The following PEAK1 variants were observed in gnomAD, a reference collection of about 807,000 sequenced individuals.
PEAK1 encodes the protein inactive tyrosine-protein kinase PEAK1.
A neutral mutation model predicts 124.7 loss-of-function variants in PEAK1; 54 were observed. That is an observed-to-expected ratio of 0.43 (90% CI 0.35 to 0.54). PEAK1 has a LOEUF of 0.54. PEAK1 is among the 20% of genes least tolerant of loss of function. The probability of loss-of-function intolerance (pLI) is 0.01; values close to 1 mark genes in which losing one functional copy is unlikely to be tolerated. For missense variants in PEAK1, 2,046 were observed against 2,134.5 expected (o/e 0.96, Z 0.82); for synonymous variants, 719 against 760.0 (o/e 0.95, Z 0.89).
intron 6 of PEAK1, among the ~76,000 whole-genome samples, chr15:77,237,836 G>A: frequency 6.6e-6 from 1 of 152,058 alleles, no homozygotes. Flanking sequence ...AATTGAATGA[G>A]TTTTTGCTTT....
chr15:77,359,266 C>T (rs1292520739), intron 2 of PEAK1, among the ~76,000 whole-genome samples: 2 of 151,890 alleles, frequency 1.3e-5, no homozygotes, highest in African/African-American at 2.4e-5. Flanking sequence ...GGCGAAACCC[C>T]ATCTCTTCAA....
chr15:77,192,514 A>G (rs552206267), intron 6 of PEAK1, among the ~76,000 whole-genome samples: 164 of 152,352 alleles, frequency 1.1e-3, no homozygotes, highest in African/African-American at 3.7e-3. Flanking sequence ...CTATCCCCCA[A>G]TAAAAATATG....
chr15:77,199,335 A>T (rs2058253433), intron 6 of PEAK1, among the ~76,000 whole-genome samples: 1 of 152,192 alleles, frequency 6.6e-6, no homozygotes, highest in Admixed American at 6.5e-5. Flanking sequence ...TAGATATCGA[A>T]GTGGTCTACT....
chr15:77,117,369 CTACTT>C (rs1289543050), intron 9 of PEAK1, among the ~76,000 whole-genome samples: 2 of 152,210 alleles, frequency 1.3e-5, no homozygotes, highest in Non-Finnish European at 2.9e-5. Context: ...ACACTGAAAT[CTACTT>C]CACAGGGCAG....
At chr15:77,368,642 C>T (rs564971326) in intron 1 of PEAK1, among the ~76,000 whole-genome samples, 51 of 152,106 alleles carry the variant, frequency 3.4e-4, no homozygotes, top group African/African-American at 1.0e-3. Flanking sequence ...GGAGACAAAG[C>T]ATTAAGCAAA....
intron 7 of PEAK1, among the ~76,000 whole-genome samples, chr15:77,162,115 A>C (rs1455222994): frequency 6.6e-6 from 1 of 152,152 alleles, no homozygotes; most frequent in Non-Finnish European, 1.5e-5. Context: ...ACTAAATATA[A>C]ACAACATAAA....
intron 1 of PEAK1, among the ~76,000 whole-genome samples, chr15:77,413,772 A>C (rs540584473): frequency 1.3e-5 from 2 of 150,874 alleles, no homozygotes; most frequent in South Asian, 4.2e-4. Flanking sequence ...CACCATGGTT[A>C]TGTAGGATGT....
At chr15:77,313,694 A>ATG (rs1178862106) in intron 2 of PEAK1, among the ~76,000 whole-genome samples, 1 of 77,370 alleles carries the variant, frequency 1.3e-5, no homozygotes, top group South Asian at 3.7e-4. Context: ...GTGTGTGTGT[A>ATG]TATATATATA....
At chr15:77,408,543 A>C (rs773102666) in intron 1 of PEAK1, among the ~76,000 whole-genome samples, 4 of 150,978 alleles carry the variant, frequency 2.6e-5, no homozygotes, top group Admixed American at 6.6e-5. Flanking sequence ...TAAAAATTTA[A>C]AAAAAAAAAC....
chr15:77,338,643 AAATAT>A (rs902426812), intron 2 of PEAK1, among the ~76,000 whole-genome samples: 4 of 129,164 alleles, frequency 3.1e-5, no homozygotes, highest in African/African-American at 1.1e-4. Flanking sequence ...TTAAAAAAAA[AAATAT>A]ATATATATAT....
chr15:77,126,992 C>T (rs1487705787), intron 9 of PEAK1, among the ~76,000 whole-genome samples: 1 of 152,206 alleles, frequency 6.6e-6, no homozygotes, highest in Admixed American at 6.5e-5. Flanking sequence ...TGTTGAAGCC[C>T]TAGCCCACAA....
chr15:77,275,790 G>C (rs2062288908), intron 5 of PEAK1, among the ~76,000 whole-genome samples: 1 of 151,148 alleles, frequency 6.6e-6, no homozygotes, highest in Non-Finnish European at 1.5e-5. Context: ...GAAAGAAAAA[G>C]AATTATCTCA....
chr15:77,197,749 G>A (rs1276011670), intron 6 of PEAK1, among the ~76,000 whole-genome samples: 2 of 152,228 alleles, frequency 1.3e-5, no homozygotes, highest in African/African-American at 4.8e-5. Flanking sequence ...GGAAAGCAAT[G>A]ATTTATAATA....
intron 1 of PEAK1, among the ~76,000 whole-genome samples, chr15:77,366,043 AATGAG>A (rs1449677260): frequency 6.6e-6 from 1 of 152,226 alleles, no homozygotes; most frequent in East Asian, 1.9e-4. Flanking sequence ...ATGAAATTAA[AATGAG>A]ATATCATCTT....
At chr15:77,385,762 T>C (rs1046334778) in intron 1 of PEAK1, among the ~76,000 whole-genome samples, 3 of 152,144 alleles carry the variant, frequency 2.0e-5, no homozygotes, top group African/African-American at 7.2e-5. Context: ...TTTATCATGG[T>C]GATTAAGAGA....
rs78638939 is a variant in PEAK1, at chr15:77,294,764, T to C, written c.-602-8260A>G. 4.1e-3 allele frequency among the ~76,000 whole-genome samples: 624 copies of C among 152,274 alleles called. 6 individuals are homozygous for C. The highest frequency in any genetic ancestry group is 0.014 in the African/African-American group (593 of 41,550). On this transcript the variant is annotated intron_variant, in intron 2 of 9. Transcript: ENST00000682557. ...CTAGTATAGATGCTGGACATTATAA[T>C]ATGTATGGTTAGATGAGTTTTTGAA...
chr15:77,355,118 C>G (rs746178997), intron 2 of PEAK1, among the ~76,000 whole-genome samples: 7 of 151,478 alleles, frequency 4.6e-5, no homozygotes, highest in Non-Finnish European at 8.8e-5. Context: ...CTACCTGCCT[C>G]TTCTCTGGAA....
intron 5 of PEAK1, among the ~76,000 whole-genome samples, chr15:77,254,112 G>T (rs561987716): frequency 4.6e-5 from 7 of 152,072 alleles, no homozygotes; most frequent in African/African-American, 1.7e-4. Context: ...GAGCCACTGC[G>T]CCTGGCCTAT....
intron 1 of PEAK1, chr15:77,381,171 TA>T (rs2069446772): frequency 1.1e-6 from 1 of 951,476 alleles, no homozygotes; most frequent in Non-Finnish European, 1.3e-6. Flanking sequence ...TTAAGATTAA[TA>T]ACCTAAAAAG....
Sources: allele counts gnomAD v4.1 joint callset (sites outside exome capture counted in the v4.1 genomes callset), GRCh38; gene constraint gnomAD v4.1.1; transcripts MANE v1.5; gene names NCBI Gene and HGNC (gene_info 2026-07-23, HGNC 2026-07-21).